The following GRIPAP1 variants were observed in gnomAD, a reference collection of about 807,000 sequenced individuals.
The protein encoded by GRIPAP1 is GRIP1 associated protein 1.
In GRIPAP1, 14 loss-of-function variants were observed where a neutral mutation model predicts 84.1. The observed-to-expected ratio is 0.17, with a 90% CI of 0.11 to 0.26. The LOEUF (loss-of-function observed/expected upper bound fraction) is 0.26. Among genes scored for constraint, GRIPAP1 ranks in the 10% least tolerant of loss-of-function variants. The pLI, the probability that GRIPAP1 is intolerant of heterozygous loss-of-function variation, is 1.00. For synonymous variants in GRIPAP1, 261 were observed against 256.8 expected, an observed-to-expected ratio of 1.02 and a Z score of -0.15; for missense variants, 518 against 674.2, an observed-to-expected ratio of 0.77 and a Z score of 2.57.
intron 8 of GRIPAP1, among the ~76,000 whole-genome samples, chrX:48,990,417 T>C (rs1191512637): frequency 1.8e-5 from 2 of 112,154 alleles, no homozygotes; most frequent in Non-Finnish European, 3.8e-5. Flanking sequence ...AGTCTGTAAA[T>C]GCTTGCATGA....
intron 14 of GRIPAP1, among the ~76,000 whole-genome samples, 166 bp from the exon 15 acceptor site, chrX:48,984,036 T>C (rs1432334800): frequency 8.9e-6 from 1 of 112,032 alleles, no homozygotes. Flanking sequence ...CTCCCCAGTA[T>C]TCATTCTTCC....
chrX:48,982,438 C>T (rs1476041495), intron 17 of GRIPAP1, among the ~76,000 whole-genome samples: 1 of 112,720 alleles, frequency 8.9e-6, no homozygotes, highest in Non-Finnish European at 1.9e-5. Flanking sequence ...GTACAGTACA[C>T]GATATCAGCT....
At chrX:48,986,811 G>A (rs1384489953) in intron 13 of GRIPAP1, among the ~76,000 whole-genome samples, 7 of 106,469 alleles carry the variant, frequency 6.6e-5, no homozygotes, top group African/African-American at 2.4e-4. Context: ...GATTACAGGT[G>A]TGAGCCATCA....
At chrX:48,979,757 C>T (rs782190701) in intron 21 of GRIPAP1, among the ~76,000 whole-genome samples, 7 of 73,432 alleles carry the variant, frequency 9.5e-5, no homozygotes, top group Non-Finnish European at 1.8e-4. Context: ...GGATTACAGG[C>T]GCCCGCCACC....
At position 48,981,620 on chromosome X, in the gene GRIPAP1, C is replaced by T. The variant is rs2064457528; in HGVS notation, c.1749G>A (p.Leu583=). The T allele has an allele frequency of 8.3e-7, 1 of 1,205,424 alleles. No homozygotes were observed. The highest frequency in any genetic ancestry group is 1.1e-6 in the Non-Finnish European group (1 of 890,800). Reference sequence around the variant, plus strand: ...CCTGCTTCAGGCTGCTAATGGTCTTCAGGTGGCAGTCCCGCTCCTCCTGGG... The same window carrying T: ...CCTGCTTCAGGCTGCTAATGGTCTTTAGGTGGCAGTCCCGCTCCTCCTGGG... ...EQAQEERDCH[L]KTISSLKQEV... is the part of the protein sequence containing the mutation. The change falls in exon 19 of 26, where the codon CTG becomes CTA. Residue 583 remains leucine, a synonymous_variant. Coordinates refer to ENST00000376423, the MANE Select transcript of GRIPAP1 (RefSeq NM_020137.5).
rs782293478 is a variant in GRIPAP1, at chrX:48,985,451, G to T, written c.1042-49C>A. ...AAGTAGAGTGAAAGGGACCCCAGGG[G>T]CCAGGGACAGGGTATGAGCCCCCTA... On this transcript the variant is annotated intron_variant, in intron 13 of 25. Coordinates refer to ENST00000376423, the MANE Select transcript of GRIPAP1 (RefSeq NM_020137.5). 6 of 1,131,152 alleles carry T rather than the reference G, an allele frequency of 5.3e-6. No homozygotes were observed. The African/African-American group carries it at 8.9e-5, about 17-fold the overall frequency. The allele number at this position is 1,131,152 out of a possible 1,213,427, so 93.2% of individuals were successfully genotyped here.
chrX:49,002,125 C>A (rs1378917577), intron 1 of GRIPAP1, 63 bp downstream of exon 1: 4 of 728,023 alleles, frequency 5.5e-6, no homozygotes, highest in Middle Eastern at 3.0e-4. Context: ...GCTGATAGCA[C>A]GACCTCTCGC....
chrX:49,000,918 C>G (rs781982116), intron 1 of GRIPAP1: 1 of 110,481 alleles, frequency 9.1e-6, no homozygotes, highest in Admixed American at 9.6e-5. Context: ...ATCTTTCCTA[C>G]TCCTGTCCTC....
intron 17 of GRIPAP1, among the ~76,000 whole-genome samples, chrX:48,982,674 C>T (rs955657909): frequency 5.3e-5 from 6 of 112,919 alleles, no homozygotes; most frequent in South Asian, 7.2e-4. Context: ...CCGCACCCAG[C>T]AGGTTCTTGT....
At chrX:48,997,480 G>T in intron 4 of GRIPAP1, 123 bp from the exon 5 acceptor site, 1 of 480,079 alleles carries the variant, frequency 2.1e-6, no homozygotes, top group Non-Finnish European at 3.7e-6. Flanking sequence ...CAGAGAATGA[G>T]GTGATATAGG....
intron 5 of GRIPAP1, among the ~76,000 whole-genome samples, chrX:48,993,939 G>T (rs1328087660): frequency 2.7e-5 from 3 of 111,024 alleles, no homozygotes; most frequent in African/African-American, 9.8e-5. Flanking sequence ...TTCTGTGGAG[G>T]GCTGGATCCT....
rs782147649 is a variant in GRIPAP1, at chrX:48,981,305, G to A, written c.1840C>T (p.Leu614Phe). The A allele has an allele frequency of 8.3e-7, 1 of 1,209,730 alleles. No homozygotes were observed. Among genetic ancestry groups the A allele is most frequent in the Non-Finnish European group, 1.1e-6 (1 of 894,036 alleles). ...EKKGSAALKD[L>F]KRQLHLERKR... ...CGCTCCAAATGCAGCTGCCGCTTGA[G>A]GTCCTTGAGCTGTGGGGGACAGGGG... The change falls in exon 21 of 26, where the codon CTC becomes TTC. Residue 614 changes from leucine to phenylalanine, a missense_variant. Leu to Phe is a conservative substitution (Grantham distance 22). Coordinates refer to ENST00000376423, the MANE Select transcript of GRIPAP1 (RefSeq NM_020137.5).
intron 1 of GRIPAP1, among the ~76,000 whole-genome samples, chrX:49,001,177 TACTC>T (rs1391041468): frequency 2.7e-5 from 3 of 111,517 alleles, no homozygotes; most frequent in Non-Finnish European, 3.8e-5. Context: ...GGATGACTCT[TACTC>T]ACTTAGAATC....
chrX:48,984,930 G>A (rs1894849007), intron 14 of GRIPAP1, among the ~76,000 whole-genome samples: 1 of 109,663 alleles, frequency 9.1e-6, no homozygotes, highest in South Asian at 3.9e-4. Flanking sequence ...GCTGAGGCAG[G>A]AGAATGGCGA....
At chrX:48,988,538 C>T (rs897045401) in intron 11 of GRIPAP1, 2 of 238,146 alleles carry the variant, frequency 8.4e-6, no homozygotes, top group Non-Finnish European at 1.5e-5. Context: ...CAGACACAGT[C>T]AGCCCCATGG....
At chrX:48,979,681 G>T (rs1050206886) in intron 21 of GRIPAP1, among the ~76,000 whole-genome samples, 1 of 104,449 alleles carries the variant, frequency 9.6e-6, no homozygotes, top group African/African-American at 3.5e-5. Context: ...GCGCAATCTC[G>T]GCTCACTGCA....
At chrX:48,981,137 A>G in intron 21 of GRIPAP1, 78 bp downstream of exon 21, 1 of 730,946 alleles carries the variant, frequency 1.4e-6, no homozygotes, top group Non-Finnish European at 2.1e-6. Context: ...AGGAAGATGC[A>G]GGACTAACCT....
intron 24 of GRIPAP1, 38 bp downstream of exon 24, chrX:48,975,980 G>C (rs374323563): frequency 7.2e-6 from 8 of 1,105,918 alleles, no homozygotes; most frequent in Non-Finnish European, 1.0e-5. Flanking sequence ...CCAGGTGAAG[G>C]CTGGACCAGG....
At chrX:48,989,414 T>C (rs953590333) in intron 11 of GRIPAP1, among the ~76,000 whole-genome samples, 197 bp downstream of exon 11, 2 of 110,721 alleles carry the variant, frequency 1.8e-5, no homozygotes. Flanking sequence ...CCCCCTGAGA[T>C]CTTACACTCA....
Sources: gnomAD v4.1 joint callset for allele counts (sites outside exome capture counted in the v4.1 genomes callset) on GRCh38, gnomAD v4.1.1 for gene constraint, MANE v1.5 for transcripts, NCBI Gene and HGNC (gene_info 2026-07-23, HGNC 2026-07-21) for gene names.